RBFOX1: variants seen among roughly 807,000 people sequenced by gnomAD.
The protein encoded by RBFOX1 is RNA binding protein fox-1 homolog 1.
In RBFOX1, 8 loss-of-function variants were observed where a neutral mutation model predicts 57.7. The observed-to-expected ratio is 0.14, with a 90% confidence interval of 0.08 to 0.25. RBFOX1 has a LOEUF of 0.25. RBFOX1 is among the 10% of genes least tolerant of loss of function. The pLI is 1.00. For synonymous variants in RBFOX1, 326 were observed against 222.4 expected (o/e 1.47, Z -4.15); for missense variants, 611 against 548.5 (o/e 1.11, Z -1.14).
At chr16:6,120,484 C>T (rs572251289) in intron 1 of RBFOX1, among the ~76,000 whole-genome samples, 2 of 152,248 alleles carry the variant, frequency 1.3e-5, no homozygotes, top group Admixed American at 1.3e-4. Flanking sequence ...ATCCTCTCCA[C>T]CATCTTGCTT....
At chr16:5,767,146 T>C (rs961287986) in intron 3 of RBFOX1, among the ~76,000 whole-genome samples, 2 of 152,346 alleles carry the variant, frequency 1.3e-5, no homozygotes, top group South Asian at 2.1e-4. Flanking sequence ...GGGCCGGGCA[T>C]TCAGTCCCAA....
At chr16:5,249,334 C>T (rs991961522) in intron 1 of RBFOX1, among the ~76,000 whole-genome samples, 17 of 152,210 alleles carry the variant, frequency 1.1e-4, no homozygotes, top group African/African-American at 4.1e-4. Flanking sequence ...CACCTTGTCC[C>T]TCAGACCGTC....
chr16:6,800,407 T>C (rs1047538313), intron 3 of RBFOX1, among the ~76,000 whole-genome samples: 1 of 152,134 alleles, frequency 6.6e-6, no homozygotes, highest in Non-Finnish European at 1.5e-5. Flanking sequence ...TGCTTCTCAC[T>C]CTTTAACAGT....
intron 4 of RBFOX1, among the ~76,000 whole-genome samples, chr16:7,487,950 T>C (rs753793731): frequency 6.6e-5 from 10 of 152,106 alleles, no homozygotes; most frequent in Admixed American, 5.9e-4. Context: ...ACTCTTGGAA[T>C]GGATTTTTTT....
intron 3 of RBFOX1, among the ~76,000 whole-genome samples, chr16:6,712,428 G>C (rs2063879520): frequency 6.6e-6 from 1 of 152,074 alleles, no homozygotes; most frequent in Admixed American, 6.6e-5. Flanking sequence ...AGGATTTTCA[G>C]AGTTTTACTG....
intron 1 of RBFOX1, among the ~76,000 whole-genome samples, chr16:6,082,586 T>G (rs2096020305): frequency 6.6e-6 from 1 of 151,888 alleles, no homozygotes; most frequent in South Asian, 2.1e-4. Flanking sequence ...TAGCAGACCT[T>G]CTCTTTATCC....
intron 3 of RBFOX1, among the ~76,000 whole-genome samples, chr16:5,758,840 AG>A (rs1486797503): frequency 3.9e-5 from 6 of 152,130 alleles, no homozygotes; most frequent in African/African-American, 1.4e-4. Context: ...GACAGGAAAA[AG>A]GTTTGTTAAT....
chr16:7,439,778 T>A lies in RBFOX1; in HGVS notation c.28-78369T>A, dbSNP rs562828257. On this transcript the variant is annotated intron_variant, in intron 4 of 15. Coordinates refer to ENST00000550418, the MANE Select transcript of RBFOX1 (RefSeq NM_018723.4). The stretch of plus-strand genomic sequence containing the variant: ...CTTTCCTGAGCATCTACCGCCAAAT[T>A]TACAGATTGCTTGCTTGTCAAATTG... Among the ~76,000 whole-genome samples, 64 of 152,186 alleles carry A rather than the reference T, an allele frequency of 4.2e-4. 1 individual carries two copies. Among genetic ancestry groups the A allele is most frequent in the African/African-American group, 1.5e-3 (63 of 41,520 alleles).
chr16:7,641,487 C>A (rs1352140511), intron 11 of RBFOX1, among the ~76,000 whole-genome samples: 1 of 152,192 alleles, frequency 6.6e-6, no homozygotes, highest in East Asian at 1.9e-4. Flanking sequence ...CACCACACCA[C>A]ATGTTTTAGA....
At position 5,921,237 on chromosome 16, in the gene RBFOX1, C is replaced by T. The variant is rs551268164; in HGVS notation, c.351+53902C>T. Reference sequence around the variant, plus strand: ...CCCATTCTAGCTCATAATGAGCTTTCTGTGTAGCTTCTCATGTGACCAGGA... The same window carrying T: ...CCCATTCTAGCTCATAATGAGCTTTTTGTGTAGCTTCTCATGTGACCAGGA... On this transcript the variant is annotated intron_variant, in intron 4 of 19. Coordinates refer to the RBFOX1 transcript ENST00000641259. Among the ~76,000 whole-genome samples the T allele has an allele frequency of 1.5e-3, 223 of 152,352 alleles. 1 individual carries two copies. Among genetic ancestry groups the T allele is most frequent in the South Asian group, 9.7e-3 (47 of 4,830 alleles).
chr16:7,497,592 A>G (rs2069101893), intron 4 of RBFOX1, among the ~76,000 whole-genome samples: 1 of 152,202 alleles, frequency 6.6e-6, no homozygotes, highest in Non-Finnish European at 1.5e-5. Context: ...TGCAAAAACA[A>G]ATGCTTATTG....
At chr16:6,965,478 A>G (rs989316502) in intron 3 of RBFOX1, among the ~76,000 whole-genome samples, 12 of 152,068 alleles carry the variant, frequency 7.9e-5, no homozygotes, top group African/African-American at 2.9e-4. Context: ...CTGGGATTAC[A>G]GGCGTGCGCC....
rs755043919 is a variant in RBFOX1 at position 7,710,728 on chromosome 16, C to T, written c.1177C>T (p.Arg393Cys). 3 of 1,595,838 alleles carry T rather than the reference C, an allele frequency of 1.9e-6. No individual in the cohort carries two copies. Among genetic ancestry groups the T allele is most frequent in the Non-Finnish European group, 2.6e-6 (3 of 1,173,524 alleles). ...TAGTATATACCGAGGGGGATACAAC[C>T]GTTTTGCTCCATACTAAATGACAAA... is the stretch of plus-strand genomic sequence containing the variant. ...QASIYRGGYN[R>C]FAPY The change falls in exon 16 of 16, where the codon CGT becomes TGT. Residue 393 changes from arginine to cysteine, a missense_variant. Arg to Cys is a radical substitution (Grantham distance 180). Coordinates refer to ENST00000550418, the MANE Select transcript of RBFOX1 (RefSeq NM_018723.4).
chr16:7,089,262 G>C (rs1008507841), intron 4 of RBFOX1, among the ~76,000 whole-genome samples: 2 of 152,146 alleles, frequency 1.3e-5, no homozygotes, highest in Non-Finnish European at 2.9e-5. Context: ...GAGGTATTTT[G>C]AAATATAAAA....
intron 9 of RBFOX1, among the ~76,000 whole-genome samples, chr16:7,599,940 C>A (rs775471333): frequency 2.6e-5 from 4 of 151,976 alleles, no homozygotes; most frequent in African/African-American, 9.7e-5. Context: ...TCTGGCCTAG[C>A]CTTTTCTTTT....
At chr16:6,125,676 C>T (rs1038070561) in intron 1 of RBFOX1, among the ~76,000 whole-genome samples, 4 of 152,066 alleles carry the variant, frequency 2.6e-5, no homozygotes, top group Admixed American at 2.6e-4. Context: ...CTGCAGTCAG[C>T]AGAAATGCGT....
At chr16:5,897,814 T>A (rs2058204518) in intron 4 of RBFOX1, among the ~76,000 whole-genome samples, 1 of 151,080 alleles carries the variant, frequency 6.6e-6, no homozygotes, top group Non-Finnish European at 1.5e-5. Context: ...ATACCTTCTA[T>A]TGCAATTCAT....
At chr16:5,977,336 C>T (rs923283946) in intron 4 of RBFOX1, among the ~76,000 whole-genome samples, 1 of 152,128 alleles carries the variant, frequency 6.6e-6, no homozygotes, top group African/African-American at 2.4e-5. Context: ...ACAGGCCAGC[C>T]CGTCATGCAG....
At chr16:7,029,156 A>G (rs1457704281) in intron 3 of RBFOX1, among the ~76,000 whole-genome samples, 1 of 82,808 alleles carries the variant, frequency 1.2e-5, no homozygotes, top group Non-Finnish European at 2.7e-5. Flanking sequence ...ATATGTATAT[A>G]TATACACATA....
Sources: allele counts gnomAD v4.1 joint callset (sites outside exome capture counted in the v4.1 genomes callset), GRCh38; gene constraint gnomAD v4.1.1; transcripts MANE v1.5; gene names NCBI Gene and HGNC (gene_info 2026-07-23, HGNC 2026-07-21).